The following CHD5 variants were observed in gnomAD, a reference collection of about 807,000 sequenced individuals.
The protein encoded by CHD5 is ATP-dependent chromatin remodeler CHD5.
CHD5 carries 69 observed loss-of-function variants against 230.3 expected under a neutral mutation model. That is an observed-to-expected ratio of 0.30 (90% CI 0.25 to 0.37). The LOEUF (loss-of-function observed/expected upper bound fraction) is 0.37. CHD5 is among the 10% of genes least tolerant of loss of function. The pLI is 1.00. For missense variants in CHD5, 1,827 were observed against 2,622.8 expected, an observed-to-expected ratio of 0.70 and a Z score of 6.63; for synonymous variants, 1,064 against 1,065.9, an observed-to-expected ratio of 1.00 and a Z score of 0.03.
intron 15 of CHD5, among the ~76,000 whole-genome samples, chr1:6,137,893 C>T (rs2100853530): frequency 6.6e-6 from 1 of 152,350 alleles, no homozygotes; most frequent in East Asian, 1.9e-4. Flanking sequence ...TCATTCCCTG[C>T]TCCCCTGCCC....
intron 5 of CHD5, among the ~76,000 whole-genome samples, chr1:6,153,242 T>A (rs898711447): frequency 6.6e-6 from 1 of 152,206 alleles, no homozygotes; most frequent in African/African-American, 2.4e-5. Context: ...ATTTCAATTT[T>A]CCAAGCTCTG....
intron 37 of CHD5, 150 bp downstream of exon 37, chr1:6,110,243 TG>T: frequency 1.3e-6 from 1 of 762,128 alleles, no homozygotes. Flanking sequence ...GATCCACCAC[TG>T]TTAGTTGATG....
chr1:6,112,600 G>A (rs1387853163), intron 34 of CHD5, among the ~76,000 whole-genome samples: 1 of 152,216 alleles, frequency 6.6e-6, no homozygotes, highest in Non-Finnish European at 1.5e-5. Flanking sequence ...AACTGTTCCA[G>A]AACATTCCAG....
chr1:6,124,921 G>T (rs1666530210), intron 29 of CHD5, among the ~76,000 whole-genome samples, 179 bp downstream of exon 29: 1 of 152,220 alleles, frequency 6.6e-6, no homozygotes, highest in African/African-American at 2.4e-5. Context: ...GTCAGTGTTT[G>T]CAAATCAGCC....
In CHD5 at chr1:6,112,921, C is replaced by G. The variant is rs1476026134; in HGVS notation, c.4990G>C (p.Glu1664Gln). The G allele has an allele frequency of 6.8e-6, 11 of 1,613,558 alleles. No individual in the cohort carries two copies. The highest frequency in any genetic ancestry group is 9.3e-6 in the Non-Finnish European group (11 of 1,179,544). ...SLIHSRGDSS[E>Q]LRPDDTKAEE... is the part of the protein sequence containing the mutation. ...AAGAGCCCCAGACCTGGCCTGAGTT[C>G]GGAACTGTCCCCTCTGCTGTGGATC... Residue 1664 changes from glutamate (E) to glutamine (Q), a missense_variant, in exon 34 of 42, where the codon GAA (glutamate) becomes CAA (glutamine). This residue lies in a region of CHD5 where 272 missense variants were observed against 263.2 expected (regional missense o/e 1.03). Transcript: ENST00000262450.
rs1307647449 is a variant in CHD5 at position 6,154,599 on chromosome 1, A to G, written c.745+61T>C. On this transcript the variant is annotated intron_variant, in intron 5 of 41. Transcript: ENST00000262450. This position sits in a 1 kb window ranked among gnomAD's most constrained non-coding sequence, Gnocchi z 7.0. ...CCGCGTCTGCCCCGTGGCTTCTCCT[A>G]TAGGGTCTGAAAGGGACCTCTTCCC... 7 of 1,473,780 alleles carry G rather than the reference A, an allele frequency of 4.7e-6. No homozygotes were observed. Among genetic ancestry groups the G allele is most frequent in the East Asian group, 2.3e-5 (1 of 42,994 alleles). The allele number at this position is 1,473,780 out of a possible 1,614,324, so 91.3% of individuals were successfully genotyped here. A position where few individuals can be genotyped will look rare whatever the true frequency, so the allele number is the denominator to read the frequency against.
Position 6,128,425 on chromosome 1 carries a change from C to T in CHD5, c.3730+74G>A, listed in dbSNP as rs1666598101. On this transcript the variant is annotated intron_variant, in intron 24 of 41. Transcript: ENST00000262450. The surrounding 1 kb of genome is among the most constrained non-coding windows in gnomAD (Gnocchi z 7.8). ...CCAGGACGCCCAAGTGAGGGCAGGT[C>T]AGGGAACCCCTCCTCTGCAGGAGCA... The T allele has an allele frequency of 4.5e-6, 6 of 1,328,256 alleles. No homozygotes were observed. The highest frequency in any genetic ancestry group is 6.4e-6 in the Non-Finnish European group (6 of 934,190). 82.3% of individuals were successfully genotyped at this position (1,328,256 alleles called of 1,614,324 possible).
rs769703032 is a variant in CHD5, at chr1:6,102,011, C to T, written c.*3463G>A. 14 of 391,348 alleles carry T rather than the reference C, an allele frequency of 3.6e-5. No homozygotes were observed. Among genetic ancestry groups the T allele is most frequent in the Non-Finnish European group, 6.1e-5 (12 of 195,310 alleles). 24.2% of individuals were successfully genotyped at this position (391,348 alleles called of 1,614,324 possible). On this transcript the variant is annotated 3_prime_UTR_variant, in exon 42 of 42. Coordinates refer to ENST00000262450, the MANE Select transcript of CHD5 (RefSeq NM_015557.3). ...GGCGCGCCTTGCACCCAGCCCAGGG[C>T]CCTCCCTTTGCCAGCCTGGGGCTGT...
chr1:6,136,036 A>C (rs1368509968), intron 17 of CHD5, among the ~76,000 whole-genome samples: 9 of 118,208 alleles, frequency 7.6e-5, no homozygotes, highest in East Asian at 5.3e-4. Context: ...ACAAAAAAAA[A>C]AAACACTGCA....
chr1:6,134,740 T>C lies in CHD5; in HGVS notation c.2990A>G (p.Tyr997Cys). The change falls in exon 19 of 42, where the codon TAC becomes TGC. Residue 997 changes from tyrosine to cysteine, a missense_variant. Physicochemically the swap from Tyr to Cys is radical, Grantham distance 194. Coordinates refer to ENST00000262450, the MANE Select transcript of CHD5 (RefSeq NM_015557.3). The surrounding 1 kb of genome is among the most constrained non-coding windows in gnomAD (Gnocchi z 6.3). ...MDLKKCCNHP[Y>C]LFPVAAVEAP... ...TACCACGGCAGCCACAGGGAAGAGG[T>C]AGGGGTGGTTGCAGCACTTTTTCAG... is the stretch of plus-strand genomic sequence containing the variant. The C allele has an allele frequency of 6.2e-7, 1 of 1,613,714 alleles. No homozygotes were observed. Among genetic ancestry groups the C allele is most frequent in the Non-Finnish European group, 8.5e-7 (1 of 1,179,904 alleles).
rs544066068 is a variant in CHD5 at position 6,131,382 on chromosome 1, T to G, written c.3262+249A>C. ...ACTGGGGCTCACCTGGCGTCAATAT[T>G]AGAGGCCCCGTCTGCGTTTCTCATT... On this transcript the variant is annotated intron_variant, in intron 21 of 41. Transcript: ENST00000262450. This position sits in a 1 kb window ranked among gnomAD's most constrained non-coding sequence, Gnocchi z 5.0. Among the ~76,000 whole-genome samples the G allele has an allele frequency of 3.9e-4, 59 of 152,302 alleles. No homozygotes were observed. The highest frequency in any genetic ancestry group is 3.4e-3 in the Middle Eastern group (1 of 294).
intron 38 of CHD5, among the ~76,000 whole-genome samples, chr1:6,107,099 T>G (rs1571134933): frequency 3.0e-5 from 3 of 100,454 alleles, no homozygotes; most frequent in Non-Finnish European, 5.9e-5. Context: ...GACGGACGAA[T>G]GGAGGGGTGG....
chr1:6,144,270 G>A, intron 11 of CHD5, 115 bp from the exon 12 acceptor site: 1 of 1,442,252 alleles, frequency 6.9e-7, no homozygotes, highest in South Asian at 1.3e-5. Context: ...CTCGGATGCT[G>A]GGCCCAGCCA....
At chr1:6,174,006 G>A (rs748754282) in intron 1 of CHD5, among the ~76,000 whole-genome samples, 5 of 152,150 alleles carry the variant, frequency 3.3e-5, no homozygotes, top group African/African-American at 4.8e-5. Context: ...GGGGATAGAT[G>A]AGGCATTTAC....
Position 6,143,835 on chromosome 1 carries a change from C to T in CHD5, c.2031G>A (p.Thr677=), listed in dbSNP as rs565625027. The change falls in exon 13 of 42, where the codon ACG becomes ACA. Residue 677 remains threonine, a synonymous_variant. Coordinates refer to ENST00000262450, the MANE Select transcript of CHD5 (RefSeq NM_015557.3). ...CCTCCCCACTCACGTCCACAATGGGCGTGTCCGGCGGCTTCTCCTGCTTGT... is the reference window on the plus strand; with the variant it reads ...CCTCCCCACTCACGTCCACAATGGGTGTGTCCGGCGGCTTCTCCTGCTTGT... ...RDDKQEKPPD[T]PIVDPTVKFD... 9 of 1,579,084 alleles carry T rather than the reference C, an allele frequency of 5.7e-6. No homozygotes were observed. Among genetic ancestry groups the T allele is most frequent in the South Asian group, 4.4e-5 (4 of 90,630 alleles).
In CHD5 at chr1:6,148,834, G is replaced by C; in HGVS notation, c.1383+20C>G. 2.7e-6 allele frequency: 4 copies of C among 1,463,310 alleles called. No individual in the cohort carries two copies. The highest frequency in any genetic ancestry group is 2.5e-4 in the Middle Eastern group (1 of 4,034). The allele number at this position is 1,463,310 out of a possible 1,614,324, so 90.6% of individuals were successfully genotyped here. A position where few individuals can be genotyped will look rare whatever the true frequency, so the allele number is the denominator to read the frequency against. On this transcript the variant is annotated intron_variant, in intron 9 of 41. Coordinates refer to ENST00000262450, the MANE Select transcript of CHD5 (RefSeq NM_015557.3). ...TGGGGTGGGGCGGGGCGTCCGGCGC[G>C]GGGCGGGCGGAACACTCACAGTACA...
At chr1:6,143,492 G>T (rs1173675319) in intron 13 of CHD5, among the ~76,000 whole-genome samples, 1 of 147,030 alleles carries the variant, frequency 6.8e-6, no homozygotes, top group African/African-American at 2.7e-5. Context: ...AGAAGACAGT[G>T]TGTCTTCTGA....
Position 6,124,053 on chromosome 1 carries a change from C to T in CHD5, c.4594G>A (p.Glu1532Lys), listed in dbSNP as rs1330251647. 2 of 1,613,264 alleles carry T rather than the reference C, an allele frequency of 1.2e-6. No individual in the cohort carries two copies. The highest frequency in any genetic ancestry group is 2.7e-5 in the African/African-American group (2 of 74,860). The stretch of plus-strand genomic sequence containing the variant: ...CCCGACTTCTTCCCCTCGGGCCCCT[C>T]AGGGATCAAGTCTGGGGTGCTGTAC... ...GKYSTPDLIP[E>K]GPEGKKSGEV... is the part of the protein sequence containing the mutation. The change falls in exon 31 of 42, where the codon GAG becomes AAG. Residue 1532 changes from glutamate (E) to lysine (K), a missense_variant. Glu to Lys is a moderately conservative substitution (Grantham distance 56). Transcript: ENST00000262450.
At chr1:6,110,264 C>T in intron 37 of CHD5, 130 bp downstream of exon 37, 1 of 1,082,384 alleles carries the variant, frequency 9.2e-7, no homozygotes. Context: ...GGACATACTG[C>T]TGCTTCGTGG....
Sources: allele counts gnomAD v4.1 joint callset (sites outside exome capture counted in the v4.1 genomes callset), GRCh38; gene constraint gnomAD v4.1.1; regional missense constraint gnomAD v4.1.1; non-coding constraint Gnocchi (gnomAD v3.1); transcripts MANE v1.5; gene names NCBI Gene and HGNC (gene_info 2026-07-23, HGNC 2026-07-21).